CASK: variants seen among roughly 807,000 people sequenced by gnomAD.
CASK encodes the protein calcium/calmodulin dependent serine protein kinase.
In CASK, 4 loss-of-function variants were observed where a neutral mutation model predicts 82.9. The ratio of observed to expected loss-of-function variants is 0.05; its 90% confidence interval spans 0.02 to 0.11. CASK has a LOEUF of 0.11. Ranked by LOEUF, CASK falls within the 10% of genes least tolerant of loss-of-function variation. The probability of loss-of-function intolerance (pLI) is 1.00; values close to 1 mark genes in which losing one functional copy is unlikely to be tolerated. For missense variants in CASK, 358 were observed against 720.9 expected (o/e 0.50, Z 5.76); for synonymous variants, 259 against 253.5 (o/e 1.02, Z -0.20).
At chrX:41,554,004 A>G in intron 20 of CASK, 89 bp from the exon 21 acceptor site, 1 of 657,710 alleles carries the variant, frequency 1.5e-6, no homozygotes, top group Non-Finnish European at 2.4e-6. Flanking sequence ...CAACAGTTAC[A>G]ATACAAACAG....
At chrX:41,675,640 T>C (rs746810170) in intron 5 of CASK, 28 of 610,494 alleles carry the variant, frequency 4.6e-5, no homozygotes, top group South Asian at 8.1e-5. Context: ...GAAATTCAAA[T>C]AGAAGTAACA....
chrX:41,900,201 C>T (rs2072344913), intron 1 of CASK, among the ~76,000 whole-genome samples: 1 of 110,937 alleles, frequency 9.0e-6, no homozygotes, highest in Admixed American at 9.5e-5. Flanking sequence ...TTATCTTTGA[C>T]TTTTGAGAAT....
At chrX:41,839,876 T>C (rs1318508574) in intron 2 of CASK, among the ~76,000 whole-genome samples, 1 of 112,019 alleles carries the variant, frequency 8.9e-6, no homozygotes, top group African/African-American at 3.2e-5. Context: ...CAAAGATCTA[T>C]TGACAATATT....
chrX:41,654,064 G>A (rs1386769392), intron 8 of CASK, among the ~76,000 whole-genome samples: 1 of 112,052 alleles, frequency 8.9e-6, no homozygotes, highest in African/African-American at 3.2e-5. Flanking sequence ...GGCCATGTGG[G>A]ACTGGCTTTA....
At chrX:41,723,492 G>C (rs2068202553) in intron 5 of CASK, among the ~76,000 whole-genome samples, 1 of 111,585 alleles carries the variant, frequency 9.0e-6, no homozygotes, top group African/African-American at 3.3e-5. Flanking sequence ...CTATTCATTT[G>C]ATCTGAGGCA....
At chrX:41,804,817 T>G (rs1189220872) in intron 2 of CASK, among the ~76,000 whole-genome samples, 1 of 112,006 alleles carries the variant, frequency 8.9e-6, no homozygotes, top group Admixed American at 9.5e-5. Context: ...ATTTCTTGTT[T>G]AAACTTCATT....
rs976029639 is a variant in CASK, at chrX:41,594,007, CT to C, written c.1156-4416del. 5.4e-5 allele frequency among the ~76,000 whole-genome samples: 6 copies of C among 111,641 alleles called. No homozygotes were observed. The Admixed American group carries it at 5.7e-4, about 11-fold the overall frequency. ...TTTTGAGAACAAAGGAAGACTGCAG[CT>C]TGTCTTTCTTACCCTTTACCCACCC... On this transcript the variant is annotated intron_variant, in intron 12 of 26. Coordinates refer to ENST00000378163, the MANE Select transcript of CASK (RefSeq NM_001367721.1).
chrX:41,753,774 T>C (rs2068838489), intron 3 of CASK, among the ~76,000 whole-genome samples: 1 of 111,349 alleles, frequency 9.0e-6, no homozygotes, highest in Non-Finnish European at 1.9e-5. Context: ...TAGTCCCAGA[T>C]ACTCCAGAGG....
chrX:41,716,496 C>T (rs1432817384), intron 5 of CASK, among the ~76,000 whole-genome samples: 1 of 112,305 alleles, frequency 8.9e-6, no homozygotes, highest in South Asian at 3.7e-4. Flanking sequence ...TATGACTATG[C>T]ATTTCTTGCT....
intron 2 of CASK, 134 bp from the exon 3 acceptor site, chrX:41,787,417 C>A: frequency 2.1e-6 from 1 of 485,844 alleles, no homozygotes; most frequent in Admixed American, 3.0e-5. Flanking sequence ...CCCATTTAAA[C>A]TTAGCTTAAC....
In CASK at chrX:41,592,381, T is replaced by G. The variant is rs1402775263; in HGVS notation, c.1156-2789A>C. On this transcript the variant is annotated intron_variant, in intron 12 of 26. Coordinates refer to ENST00000378163, the MANE Select transcript of CASK (RefSeq NM_001367721.1). ...TCAAGGACTATTATTTCCAACATTTTCAACTATGATTATGGTTCGTTTCTA... is the reference window on the plus strand; with the variant it reads ...TCAAGGACTATTATTTCCAACATTTGCAACTATGATTATGGTTCGTTTCTA... 5.4e-5 allele frequency among the ~76,000 whole-genome samples: 6 copies of G among 111,579 alleles called. No homozygotes were observed. The Admixed American group carries it at 5.7e-4, about 11-fold the overall frequency.
At chrX:41,830,712 C>T (rs1217345301) in intron 2 of CASK, among the ~76,000 whole-genome samples, 4 of 105,178 alleles carry the variant, frequency 3.8e-5, no homozygotes, top group East Asian at 3.0e-4. Context: ...CCCAGCTACT[C>T]AGGAGGCTGA....
intron 9 of CASK, among the ~76,000 whole-genome samples, chrX:41,631,594 G>A (rs964520030): frequency 1.1e-4 from 12 of 110,105 alleles, no homozygotes; most frequent in South Asian, 4.0e-4. Context: ...TCAGCCTCCC[G>A]AGTAGCTGGG....
chrX:41,854,224 GCACA>G (rs4007745), intron 1 of CASK, among the ~76,000 whole-genome samples: 3,041 of 81,671 alleles, frequency 0.037, 142 homozygotes, highest in African/African-American at 0.11. Context: ...GCGGGCGCGC[GCACA>G]CACACACACA....
rs192997674 is a variant in CASK, at chrX:41,638,213, T to C, written c.832-1552A>G. On this transcript the variant is annotated intron_variant, in intron 8 of 26. Transcript: ENST00000378163. ...AAATTGTAGAGTATGTCAAAAGTAC[T>C]ATGGAATAAGGCAAAAAAGTAAAGC... is the stretch of plus-strand genomic sequence containing the variant. 4.5e-5 allele frequency among the ~76,000 whole-genome samples: 5 copies of C among 111,033 alleles called. No individual in the cohort carries two copies. The East Asian group carries it at 1.1e-3, about 25-fold the overall frequency.
chrX:41,703,560 A>C (rs1334520414), intron 5 of CASK, among the ~76,000 whole-genome samples: 1 of 112,391 alleles, frequency 8.9e-6, no homozygotes, highest in African/African-American at 3.2e-5. Context: ...GTAGTGTTTT[A>C]CTGCATGAAT....
At chrX:41,592,400 G>A (rs1255309835) in intron 12 of CASK, among the ~76,000 whole-genome samples, 1 of 110,587 alleles carries the variant, frequency 9.0e-6, no homozygotes, top group Non-Finnish European at 1.9e-5. Context: ...ATTATGGTTC[G>A]TTTCTATTTA....
intron 1 of CASK, among the ~76,000 whole-genome samples, chrX:41,871,514 A>G (rs1569473941): frequency 8.9e-6 from 1 of 111,826 alleles, no homozygotes; most frequent in Non-Finnish European, 1.9e-5. Flanking sequence ...AATAAGAAAG[A>G]CTGAAAGAAG....
At chrX:41,696,047 G>A in intron 5 of CASK, 1 of 1,208,422 alleles carries the variant, frequency 8.3e-7, no homozygotes, top group East Asian at 3.0e-5. Flanking sequence ...ATATGAACAT[G>A]TACATTAGCA....
Sources: gnomAD v4.1 joint callset for allele counts (sites outside exome capture counted in the v4.1 genomes callset) on GRCh38, gnomAD v4.1.1 for gene constraint, MANE v1.5 for transcripts, NCBI Gene and HGNC (gene_info 2026-07-23, HGNC 2026-07-21) for gene names.